Variants in CMIP observed in about 807,000 individuals in gnomAD.
CMIP encodes the protein c-Maf inducing protein.
Under a neutral mutation model 97.3 loss-of-function variants are expected in CMIP, and 13 were observed. The ratio of observed to expected loss-of-function variants is 0.13; its 90% CI spans 0.09 to 0.21. The LOEUF (loss-of-function observed/expected upper bound fraction) is 0.21, where lower values mean the gene tolerates loss of function less well. CMIP is among the 10% of genes least tolerant of loss of function. CMIP has a pLI of 1.00. For missense variants in CMIP, 847 were observed against 1,024.9 expected (o/e 0.83, Z 2.37); for synonymous variants, 538 against 436.3 (o/e 1.23, Z -2.91).
At chr16:81,522,756 A>G (rs1407086890) in intron 1 of CMIP, among the ~76,000 whole-genome samples, 1 of 152,150 alleles carries the variant, frequency 6.6e-6, no homozygotes, top group Admixed American at 6.5e-5. Context: ...TTTAAGTGAA[A>G]GAAATAAAAC....
intron 7 of CMIP, among the ~76,000 whole-genome samples, chr16:81,669,557 A>G (rs1567649002): frequency 9.4e-6 from 1 of 106,202 alleles, no homozygotes; most frequent in Non-Finnish European, 1.9e-5. Context: ...CACCCACTTC[A>G]TACTTCCTTC....
intron 3 of CMIP, among the ~76,000 whole-genome samples, chr16:81,636,787 T>TC (rs2092242313): frequency 6.6e-6 from 1 of 151,788 alleles, no homozygotes; most frequent in South Asian, 2.1e-4. Flanking sequence ...CCGTTGGTCC[T>TC]CCCCCGAGCC....
At chr16:81,464,996 T>G (rs1003854980) in intron 1 of CMIP, 1 of 152,258 alleles carries the variant, frequency 6.6e-6, no homozygotes, top group Non-Finnish European at 1.5e-5. Flanking sequence ...TTGGCTGTTG[T>G]GGGTAACGCT....
chr16:81,456,283 T>G (rs956825556), intron 1 of CMIP, among the ~76,000 whole-genome samples: 3 of 152,184 alleles, frequency 2.0e-5, no homozygotes, highest in Non-Finnish European at 2.9e-5. Context: ...TTCTCAGACC[T>G]TTAGGCGTGT....
chr16:81,507,128 C>A (rs1467206401), intron 1 of CMIP, among the ~76,000 whole-genome samples: 3 of 151,908 alleles, frequency 2.0e-5, no homozygotes, highest in South Asian at 4.2e-4. Flanking sequence ...TGGTGGCGGG[C>A]GCCTGTAGTC....
At chr16:81,670,296 C>T (rs1017657290) in intron 8 of CMIP, 51 bp downstream of exon 8, 19 of 1,548,014 alleles carry the variant, frequency 1.2e-5, no homozygotes, top group South Asian at 7.1e-5. Context: ...ACTTTCCTCT[C>T]GGATCCTGTT....
intron 1 of CMIP, among the ~76,000 whole-genome samples, chr16:81,452,875 T>TTTTG (rs1906309264): frequency 1.5e-5 from 2 of 132,146 alleles, no homozygotes; most frequent in Non-Finnish European, 1.6e-5. Context: ...TTTTGTTTTT[T>TTTTG]TTTTGTTTTG....
chr16:81,633,866 A>T (rs940359850), intron 3 of CMIP, among the ~76,000 whole-genome samples: 9 of 152,142 alleles, frequency 5.9e-5, no homozygotes, highest in Admixed American at 5.2e-4. Flanking sequence ...CCAGCCTGAC[A>T]CCGGCTGGAG....
chr16:81,491,313 G>A (rs918568657), intron 1 of CMIP, among the ~76,000 whole-genome samples: 5 of 152,140 alleles, frequency 3.3e-5, no homozygotes, highest in African/African-American at 1.2e-4. Flanking sequence ...CTCTGTCACC[G>A]CATGGCTGTG....
At chr16:81,566,161 T>C (rs1404741014) in intron 1 of CMIP, among the ~76,000 whole-genome samples, 1 of 152,236 alleles carries the variant, frequency 6.6e-6, no homozygotes, top group Non-Finnish European at 1.5e-5. Flanking sequence ...GATTGGAGGC[T>C]GCCCTCTCCT....
chr16:81,681,297 C>T, intron 10 of CMIP, among the ~76,000 whole-genome samples: 1 of 152,248 alleles, frequency 6.6e-6, no homozygotes, highest in East Asian at 1.9e-4. Context: ...TTGGAGGCTT[C>T]AAACTGGTTG....
rs182901135 is a variant in CMIP, at chr16:81,693,539, G to T, written c.1530+52G>T. ...GCCGGCTGTCTGGGGATGGCAGGAT[G>T]CACGAGGGCCCCTTAGAGGCCTTCT... On this transcript the variant is annotated intron_variant, in intron 13 of 20. Coordinates refer to ENST00000537098, the MANE Select transcript of CMIP (RefSeq NM_198390.3). 95 of 1,577,300 alleles carry T rather than the reference G, an allele frequency of 6.0e-5. No individual in the cohort carries two copies. In the East Asian group the frequency reaches 2.1e-3, roughly 35 times the overall value.
intron 9 of CMIP, among the ~76,000 whole-genome samples, chr16:81,674,962 AAAAGAAAG>A (rs143904062): frequency 2.0e-4 from 30 of 152,096 alleles, no homozygotes; most frequent in African/African-American, 3.1e-4. Context: ...TCAATTTAAA[AAAAGAAAG>A]AAAGAAAGAA....
intron 1 of CMIP, among the ~76,000 whole-genome samples, chr16:81,487,115 G>A (rs901647438): frequency 6.6e-6 from 1 of 152,148 alleles, no homozygotes; most frequent in African/African-American, 2.4e-5. Flanking sequence ...TCTGGTCATG[G>A]GGGGCCCTGA....
At chr16:81,487,007 G>C (rs778350330) in intron 1 of CMIP, among the ~76,000 whole-genome samples, 1 of 152,274 alleles carries the variant, frequency 6.6e-6, no homozygotes, top group Non-Finnish European at 1.5e-5. Context: ...TCTGGAGGGA[G>C]CGTGGGACTG....
At chr16:81,663,498 T>A (rs1196321458) in intron 6 of CMIP, among the ~76,000 whole-genome samples, 1 of 152,164 alleles carries the variant, frequency 6.6e-6, no homozygotes, top group Non-Finnish European at 1.5e-5. Context: ...ACGAATTGGC[T>A]GAGCACAGAG....
chr16:81,701,489 T>C (rs1024189569), intron 15 of CMIP, among the ~76,000 whole-genome samples, 171 bp from the exon 16 acceptor site: 2 of 152,174 alleles, frequency 1.3e-5, no homozygotes, highest in African/African-American at 4.8e-5. Flanking sequence ...GGTGCTACCA[T>C]TGTACAAGCA....
At chr16:81,603,613 C>T (rs938281911) in intron 1 of CMIP, among the ~76,000 whole-genome samples, 1 of 152,120 alleles carries the variant, frequency 6.6e-6, no homozygotes, top group African/African-American at 2.4e-5. Context: ...TTTTCTGTCC[C>T]GGGATCCCAT....
At chr16:81,457,170 T>A (rs1486711456) in intron 1 of CMIP, among the ~76,000 whole-genome samples, 2 of 150,564 alleles carry the variant, frequency 1.3e-5, no homozygotes, top group Non-Finnish European at 2.9e-5. Context: ...TTGGAACCCC[T>A]CCGACCCCCC....
Sources: gnomAD v4.1 joint callset for allele counts (sites outside exome capture counted in the v4.1 genomes callset) on GRCh38, gnomAD v4.1.1 for gene constraint, MANE v1.5 for transcripts, NCBI Gene and HGNC (gene_info 2026-07-23, HGNC 2026-07-21) for gene names.